ATP8A2: variants seen among roughly 807,000 people sequenced by gnomAD.
ATP8A2 encodes the protein phospholipid-transporting ATPase IB.
A neutral mutation model predicts 165.6 loss-of-function variants in ATP8A2; 100 were observed. That is an observed-to-expected ratio of 0.60 (90% CI 0.51 to 0.71). ATP8A2 has a LOEUF of 0.71. ATP8A2 is among the 30% of genes least tolerant of loss of function. The probability of loss-of-function intolerance (pLI) is 0.00; values close to 1 mark genes in which losing one functional copy is unlikely to be tolerated. For missense variants in ATP8A2, 1,227 were observed against 1,479.5 expected, an observed-to-expected ratio of 0.83 and a Z score of 2.80; for synonymous variants, 543 against 548.8, an observed-to-expected ratio of 0.99 and a Z score of 0.15.
At chr13:25,964,789 G>A (rs568726571) in intron 34 of ATP8A2, among the ~76,000 whole-genome samples, 2 of 152,296 alleles carry the variant, frequency 1.3e-5, no homozygotes, top group African/African-American at 4.8e-5. Context: ...GGTGCTGCGG[G>A]CCTCTCATCT....
chr13:25,941,454 G>A (rs1243897725), intron 33 of ATP8A2, among the ~76,000 whole-genome samples: 1 of 152,140 alleles, frequency 6.6e-6, no homozygotes, highest in African/African-American at 2.4e-5. Context: ...CACCTCTGTA[G>A]GAGGCAGCGT....
Position 25,821,907 on chromosome 13 carries a change from T to C in ATP8A2, c.2680-6211T>C, listed in dbSNP as rs570047702. On this transcript the variant is annotated intron_variant, in intron 27 of 36. Transcript: ENST00000381655. ...TGAGAATTACTGCTAGAAACAGCTA[T>C]ATAAATAAAACATGAATGTGTTAAA... Among the ~76,000 whole-genome samples the C allele has an allele frequency of 2.6e-5, 4 of 152,302 alleles. No homozygotes were observed. The East Asian group carries it at 7.7e-4, about 29-fold the overall frequency.
chr13:25,715,428 T>C (rs2043236654), intron 25 of ATP8A2, among the ~76,000 whole-genome samples: 2 of 152,228 alleles, frequency 1.3e-5, no homozygotes, highest in Admixed American at 6.5e-5. Context: ...TAACTATCAC[T>C]ACTACATTCC....
intron 24 of ATP8A2, among the ~76,000 whole-genome samples, chr13:25,696,925 A>G (rs2042845751): frequency 6.6e-6 from 1 of 152,214 alleles, no homozygotes. Context: ...GTACCAAAAC[A>G]ATTTCAATAG....
At chr13:25,509,323 G>A (rs1364778483) in intron 2 of ATP8A2, among the ~76,000 whole-genome samples, 1 of 152,066 alleles carries the variant, frequency 6.6e-6, no homozygotes, top group Non-Finnish European at 1.5e-5. Context: ...ATAAGTTGTG[G>A]AGCTGAAAGA....
chr13:25,498,430 C>T (rs2036747365), intron 2 of ATP8A2, among the ~76,000 whole-genome samples: 1 of 152,168 alleles, frequency 6.6e-6, no homozygotes, highest in African/African-American at 2.4e-5. Context: ...TTTACATATG[C>T]ACATCTATTT....
At chr13:25,716,009 C>A (rs775339485) in intron 25 of ATP8A2, among the ~76,000 whole-genome samples, 18 of 152,142 alleles carry the variant, frequency 1.2e-4, no homozygotes, top group Non-Finnish European at 1.5e-4. Flanking sequence ...TAAGTCATAG[C>A]CATCCTAGTG....
intron 33 of ATP8A2, chr13:25,867,980 G>T: frequency 3.1e-6 from 1 of 317,944 alleles, no homozygotes; most frequent in Non-Finnish European, 6.4e-6. Flanking sequence ...CTATGCAATT[G>T]TTGAGACACT....
chr13:25,379,026 A>G (rs2032742908), intron 1 of ATP8A2, among the ~76,000 whole-genome samples: 1 of 152,192 alleles, frequency 6.6e-6, no homozygotes, highest in Admixed American at 6.5e-5. Context: ...GGCAGGAGAG[A>G]AGAAATACTC....
chr13:25,783,584 A>G (rs905227006), intron 27 of ATP8A2, among the ~76,000 whole-genome samples: 1 of 152,142 alleles, frequency 6.6e-6, no homozygotes, highest in African/African-American at 2.4e-5. Context: ...GAACTGTTAG[A>G]AGTGGTGCTT....
chr13:25,405,897 C>CT (rs1256567651), intron 1 of ATP8A2, among the ~76,000 whole-genome samples: 2 of 152,156 alleles, frequency 1.3e-5, no homozygotes, highest in Non-Finnish European at 2.9e-5. Context: ...CCCTTTAACT[C>CT]TTTTTTTATT....
At chr13:25,514,324 C>T (rs903775442) in intron 2 of ATP8A2, among the ~76,000 whole-genome samples, 2 of 152,172 alleles carry the variant, frequency 1.3e-5, no homozygotes, top group South Asian at 2.1e-4. Context: ...TTAAAGTTTG[C>T]TGTACTGTTT....
At chr13:25,774,270 G>A (rs1037823947) in intron 26 of ATP8A2, among the ~76,000 whole-genome samples, 7 of 152,158 alleles carry the variant, frequency 4.6e-5, no homozygotes, top group African/African-American at 1.4e-4. Flanking sequence ...AGACTTGGAT[G>A]GAGCTGGAAA....
At chr13:25,799,531 A>T (rs960789199) in intron 27 of ATP8A2, among the ~76,000 whole-genome samples, 1 of 152,182 alleles carries the variant, frequency 6.6e-6, no homozygotes, top group African/African-American at 2.4e-5. Flanking sequence ...ATTGCCATAG[A>T]TGATTATGTG....
At chr13:25,618,620 A>G (rs1030769836) in intron 24 of ATP8A2, among the ~76,000 whole-genome samples, 2 of 149,368 alleles carry the variant, frequency 1.3e-5, no homozygotes, top group Non-Finnish European at 3.0e-5. Context: ...ATGGCAGTAA[A>G]CTTTTTTTTT....
chr13:25,465,880 C>A (rs545050608), intron 1 of ATP8A2, among the ~76,000 whole-genome samples: 1 of 150,960 alleles, frequency 6.6e-6, no homozygotes, highest in African/African-American at 2.4e-5. Context: ...CCAACTTGGC[C>A]TCCCAAAGTG....
At chr13:25,694,806 G>A (rs991043490) in intron 24 of ATP8A2, among the ~76,000 whole-genome samples, 2 of 152,122 alleles carry the variant, frequency 1.3e-5, no homozygotes, top group African/African-American at 4.8e-5. Context: ...GAGTAGCTGG[G>A]ACTACAGGCA....
At chr13:25,647,465 G>C (rs2041702215) in intron 24 of ATP8A2, among the ~76,000 whole-genome samples, 1 of 152,074 alleles carries the variant, frequency 6.6e-6, no homozygotes, top group African/African-American at 2.4e-5. Context: ...TGCCAAGATA[G>C]TCATATTGGG....
chr13:25,659,638 G>A (rs558786177), intron 24 of ATP8A2, among the ~76,000 whole-genome samples: 4 of 152,324 alleles, frequency 2.6e-5, no homozygotes, highest in East Asian at 1.9e-4. Context: ...AAAAGCGTTC[G>A]TAGTCCTTTA....
Sources: gnomAD v4.1 joint callset for allele counts (sites outside exome capture counted in the v4.1 genomes callset) on GRCh38, gnomAD v4.1.1 for gene constraint, MANE v1.5 for transcripts, NCBI Gene and HGNC (gene_info 2026-07-23, HGNC 2026-07-21) for gene names.